Variants in C1orf167 observed in about 807,000 individuals in gnomAD.
C1orf167 encodes the protein uncharacterized protein C1orf167.
In C1orf167, 153 loss-of-function variants were observed where a neutral mutation model predicts 176.5. That is an observed-to-expected ratio of 0.87 (90% confidence interval 0.76 to 0.99). The LOEUF (loss-of-function observed/expected upper bound fraction) is 0.99. C1orf167 is among the 50% of genes least tolerant of loss of function. The probability of loss-of-function intolerance (pLI) is 0.00; values close to 1 mark genes in which losing one functional copy is unlikely to be tolerated. For synonymous variants in C1orf167, 594 were observed against 752.7 expected (o/e 0.79, Z 3.45); for missense variants, 1,490 against 1,817.7 (o/e 0.82, Z 3.28).
rs560135053 is a variant in C1orf167 at position 11,765,522 on chromosome 1, C to T, written c.71-335C>T. Among the ~76,000 whole-genome samples the T allele has an allele frequency of 1.9e-3, 284 of 152,200 alleles. 5 individuals carry two copies. The highest frequency in any genetic ancestry group is 6.5e-3 in the African/African-American group (270 of 41,516). On this transcript the variant is annotated intron_variant, in intron 2 of 20. Coordinates refer to ENST00000688073, the MANE Select transcript of C1orf167 (RefSeq NM_001010881.2). The stretch of plus-strand genomic sequence containing the variant: ...CTTTATTACCTGACTCTTCCAAGCC[C>T]GCTGGCTCCATCTCTGAAGTTTATC...
At chr1:11,775,027 G>A (rs537347855) in intron 8 of C1orf167, among the ~76,000 whole-genome samples, 162 of 152,282 alleles carry the variant, frequency 1.1e-3, no homozygotes, top group African/African-American at 3.8e-3. Flanking sequence ...GCTCAAGCCT[G>A]TAATTCCAGC....
rs1423444202 is a variant in C1orf167 at position 11,766,915 on chromosome 1, G to A, written c.1129G>A (p.Val377Met). 2.4e-6 allele frequency: 3 copies of A among 1,224,770 alleles called. No homozygotes were observed. The highest frequency in any genetic ancestry group is 1.6e-5 in the African/African-American group (1 of 64,088). 75.9% of individuals were successfully genotyped at this position (1,224,770 alleles called of 1,614,324 possible). A position where few individuals can be genotyped will look rare whatever the true frequency, so the allele number is the denominator to read the frequency against. Residue 377 changes from valine to methionine, a missense_variant, in exon 3 of 21, where the codon GTG (valine) becomes ATG (methionine). Val to Met is a conservative substitution (Grantham distance 21). Coordinates refer to ENST00000688073, the MANE Select transcript of C1orf167 (RefSeq NM_001010881.2). The surrounding 1 kb of genome is among the most constrained non-coding windows in gnomAD (Gnocchi z 4.5). The stretch of plus-strand genomic sequence containing the variant: ...GGGTGACCCCAGTCTCCCTCGAGGG[G>A]TGGGAAGCAGGGGGACCGACCCCTG... The part of the protein sequence containing the change: ...QRGDPSLPRG[V>M]GSRGTDPCSS...
In C1orf167 at chr1:11,778,682, C is replaced by G. The variant is rs1200008598; in HGVS notation, c.2362C>G (p.Gln788Glu). Residue 788 changes from glutamine to glutamate, a missense_variant, in exon 11 of 21, where the codon CAG becomes GAG. Physicochemically the swap from Gln to Glu is conservative, Grantham distance 29. Coordinates refer to ENST00000688073, the MANE Select transcript of C1orf167 (RefSeq NM_001010881.2). ...TAGCTCCTTCTTCCAGGGCCTGCAG[C>G]AGCGGATGCTGCAGCGCAGCCTGAG... ...WANSFFQGLQQRMLQRSLRWW... is the reference protein window; with the variant it reads ...WANSFFQGLQERMLQRSLRWW... 1 of 1,300,356 alleles carries G rather than the reference C, an allele frequency of 7.7e-7. No individual in the cohort carries two copies. The highest frequency in any genetic ancestry group is 1.2e-5 in the South Asian group (1 of 80,858). 80.6% of individuals were successfully genotyped at this position (1,300,356 alleles called of 1,614,324 possible). A position where few individuals can be genotyped will look rare whatever the true frequency, so the allele number is the denominator to read the frequency against.
In C1orf167 at chr1:11,769,009, C is replaced by A; in HGVS notation, c.1579C>A (p.Pro527Thr). ...GGCTTTACAGCAGAAACAAGTACAG[C>A]CCCACATGCAGGCTGGGCCAGGGTC... ...NLALQQKQVQPHMQAGPGSPP... is the reference protein window; with the variant it reads ...NLALQQKQVQTHMQAGPGSPP... The change falls in exon 6 of 21, where the codon CCC becomes ACC. Residue 527 changes from proline to threonine, a missense_variant. By Grantham distance (38) the Pro-to-Thr change is conservative (BLOSUM62 -1). Transcript: ENST00000688073. 7 of 985,880 alleles carry A rather than the reference C, an allele frequency of 7.1e-6. No individual in the cohort carries two copies. The highest frequency in any genetic ancestry group is 8.4e-6 in the Non-Finnish European group (7 of 829,968). The allele number at this position is 985,880 out of a possible 1,614,324, so 61.1% of individuals were successfully genotyped here. A position where few individuals can be genotyped will look rare whatever the true frequency, so the allele number is the denominator to read the frequency against.
rs529067429 is a variant in C1orf167 at position 11,768,437 on chromosome 1, T to C, written c.1542+162T>C. 2 of 600,890 alleles carry C rather than the reference T, an allele frequency of 3.3e-6. No individual in the cohort carries two copies. Among genetic ancestry groups the C allele is most frequent in the Non-Finnish European group, 4.9e-6 (2 of 406,888 alleles). 37.2% of individuals were successfully genotyped at this position (600,890 alleles called of 1,614,324 possible). The stretch of plus-strand genomic sequence containing the variant: ...TGAGTCCACACACCTGAATCAGCTC[T>C]GCCTGAGTTCAAATCCTGCCCCCTC... On this transcript the variant is annotated intron_variant, in intron 5 of 20. Transcript: ENST00000688073. The surrounding 1 kb of genome is among the most constrained non-coding windows in gnomAD (Gnocchi z 4.5).
At chr1:11,769,263 T>C (rs984821061) in intron 6 of C1orf167, 136 bp downstream of exon 6, 27 of 737,972 alleles carry the variant, frequency 3.7e-5, no homozygotes, top group Non-Finnish European at 4.1e-5. Context: ...AAAAAAGATG[T>C]CCATCATGGC....
At position 11,788,382 on chromosome 1, in the gene C1orf167, A is replaced by G; in HGVS notation, c.4078+4A>G. 7 of 1,289,792 alleles carry G rather than the reference A, an allele frequency of 5.4e-6. No homozygotes were observed. The highest frequency in any genetic ancestry group is 7.2e-6 in the Non-Finnish European group (7 of 978,600). The allele number at this position is 1,289,792 out of a possible 1,614,324, so 79.9% of individuals were successfully genotyped here. A position where few individuals can be genotyped will look rare whatever the true frequency, so the allele number is the denominator to read the frequency against. On this transcript the variant is annotated splice_donor_region_variant and intron_variant, in intron 19 of 20. Transcript: ENST00000688073. ...AGAGCAGCTGGTGCGGACCCTGGTG[A>G]GTGGGTGCACCCCTCTCCACACTGA...
At chr1:11,772,494 T>G (rs1010962127) in intron 8 of C1orf167, among the ~76,000 whole-genome samples, 2 of 152,208 alleles carry the variant, frequency 1.3e-5, no homozygotes, top group Admixed American at 1.3e-4. Context: ...CTCGAACTCC[T>G]GAACTCAAGT....
chr1:11,775,096 C>T (rs1365284043), intron 8 of C1orf167, among the ~76,000 whole-genome samples: 2 of 151,198 alleles, frequency 1.3e-5, no homozygotes, highest in Non-Finnish European at 2.9e-5. Context: ...ACCAGCCTGG[C>T]CAACATGGAG....
chr1:11,788,153 C>T lies in C1orf167; in HGVS notation c.3853C>T (p.Arg1285Cys), dbSNP rs762678203. The change falls in exon 19 of 21, where the codon CGT becomes TGT. Residue 1285 changes from arginine (R) to cysteine (C), a missense_variant. Arg to Cys is a radical substitution (Grantham distance 180, BLOSUM62 -3). Transcript: ENST00000688073. ...AGCTGGGCCCTCTCTGGCCAGTGCT[C>T]GTTCCTGCAGGATCCTGGAAAAGCA... is the stretch of plus-strand genomic sequence containing the variant. ...SKAHKRRLRARSCRILEKQAQ... is the reference protein window; with the variant it reads ...SKAHKRRLRACSCRILEKQAQ... The T allele has an allele frequency of 1.6e-5, 20 of 1,286,188 alleles. No individual in the cohort carries two copies. Among genetic ancestry groups the T allele is most frequent in the East Asian group, 5.7e-5 (1 of 17,560 alleles). The allele number at this position is 1,286,188 out of a possible 1,614,324, so 79.7% of individuals were successfully genotyped here.
At chr1:11,771,692 G>A (rs1643087811) in intron 7 of C1orf167, 56 bp downstream of exon 7, 3 of 1,184,560 alleles carry the variant, frequency 2.5e-6, no homozygotes, top group South Asian at 2.5e-5. Flanking sequence ...CGCAGGGCCT[G>A]AGCTCCACAC....
chr1:11,776,483 C>T lies in C1orf167; in HGVS notation c.2184C>T (p.Thr728=), dbSNP rs540542008. 1.5e-5 allele frequency: 20 copies of T among 1,302,042 alleles called. No homozygotes were observed. Among genetic ancestry groups the T allele is most frequent in the South Asian group, 1.1e-4 (9 of 80,818 alleles). 80.7% of individuals were successfully genotyped at this position (1,302,042 alleles called of 1,614,324 possible). A position where few individuals can be genotyped will look rare whatever the true frequency, so the allele number is the denominator to read the frequency against. ...RQKAGREAVY[T]AGPGACGLGA... is the part of the protein sequence containing the mutation. ...TCTCAGGACGTGAGGCTGTCTACAC[C>T]GCAGGCCCTGGAGCCTGTGGCCTGG... The change falls in exon 10 of 21, where the codon ACC becomes ACT. Residue 728 remains threonine (T), a synonymous_variant. Coordinates refer to ENST00000688073, the MANE Select transcript of C1orf167 (RefSeq NM_001010881.2).
rs1377934049 is a variant in C1orf167 at position 11,766,448 on chromosome 1, T to C, written c.662T>C (p.Leu221Pro). The C allele has an allele frequency of 1.6e-6, 2 of 1,286,526 alleles. No homozygotes were observed. The highest frequency in any genetic ancestry group is 1.0e-6 in the Non-Finnish European group (1 of 987,264). 79.7% of individuals were successfully genotyped at this position (1,286,526 alleles called of 1,614,324 possible). ...LVGEPLTLED[L>P]AVPSQNQTQA... ...GGGGAACCTCTCACCCTGGAGGACC[T>C]GGCTGTCCCCAGTCAGAACCAGACT... The change falls in exon 3 of 21, where the codon CTG (leucine) becomes CCG (proline). Residue 221 changes from leucine (L) to proline (P), a missense_variant. Leu to Pro is a moderately conservative substitution (Grantham distance 98). Transcript: ENST00000688073. The surrounding 1 kb of genome is among the most constrained non-coding windows in gnomAD (Gnocchi z 4.5).
Position 11,788,155 on chromosome 1 carries a change from T to G in C1orf167, c.3855T>G (p.Arg1285=). Residue 1285 remains arginine (R), a synonymous_variant, in exon 19 of 21, where the codon CGT becomes CGG. Transcript: ENST00000688073. The part of the protein sequence containing the change: ...SKAHKRRLRA[R]SCRILEKQAQ... ...CTGGGCCCTCTCTGGCCAGTGCTCGTTCCTGCAGGATCCTGGAAAAGCAGG... is the reference window on the plus strand; with the variant it reads ...CTGGGCCCTCTCTGGCCAGTGCTCGGTCCTGCAGGATCCTGGAAAAGCAGG... The G allele has an allele frequency of 7.8e-7, 1 of 1,287,796 alleles. No individual in the cohort carries two copies. Among genetic ancestry groups the G allele is most frequent in the Non-Finnish European group, 1.0e-6 (1 of 975,944 alleles). 79.8% of individuals were successfully genotyped at this position (1,287,796 alleles called of 1,614,324 possible).
At position 11,784,222 on chromosome 1, in the gene C1orf167, G is replaced by A. The variant is rs953531069; in HGVS notation, c.3054G>A (p.Arg1018=). Residue 1018 remains arginine, a synonymous_variant, in exon 15 of 21, where the codon CGG becomes CGA. Coordinates refer to ENST00000688073, the MANE Select transcript of C1orf167 (RefSeq NM_001010881.2). ...CEVVRDTGVL[R]AQHQAFQDGL... Reference sequence around the variant, plus strand: ...TTGTAAGAGACACGGGGGTGCTCCGGGCCCAGCATCAAGCCTTTCAGGATG... The same window carrying A: ...TTGTAAGAGACACGGGGGTGCTCCGAGCCCAGCATCAAGCCTTTCAGGATG... 7.8e-7 allele frequency: 1 copy of A among 1,281,378 alleles called. No individual in the cohort carries two copies. The highest frequency in any genetic ancestry group is 1.0e-6 in the Non-Finnish European group (1 of 976,742). 79.4% of individuals were successfully genotyped at this position (1,281,378 alleles called of 1,614,324 possible). A position where few individuals can be genotyped will look rare whatever the true frequency, so the allele number is the denominator to read the frequency against.
At chr1:11,784,948 C>A (rs987944116) in intron 15 of C1orf167, among the ~76,000 whole-genome samples, 200 bp from the exon 16 acceptor site, 2 of 152,206 alleles carry the variant, frequency 1.3e-5, no homozygotes, top group Admixed American at 1.3e-4. Context: ...TGCTTGTCCC[C>A]GTCTGTGATT....
chr1:11,779,582 G>C (rs984868790), intron 12 of C1orf167: 1 of 318,448 alleles, frequency 3.1e-6, no homozygotes, highest in Non-Finnish European at 6.3e-6. Context: ...TGGCAGTGGG[G>C]GTCTAGAATC....
In C1orf167 at chr1:11,767,007, G is replaced by A. The variant is rs184360830; in HGVS notation, c.1221G>A (p.Pro407=). 6 of 1,209,774 alleles carry A rather than the reference G, an allele frequency of 5.0e-6. No individual in the cohort carries two copies. The highest frequency in any genetic ancestry group is 2.5e-4 in the Middle Eastern group (1 of 3,948). The allele number at this position is 1,209,774 out of a possible 1,614,324, so 74.9% of individuals were successfully genotyped here. ...AGCAGAAAGGAGAGGAGGGGGCCCC[G>A]AGGGAGCGGGTCCACAGGGAGGAGG... ...SPKQKGEEGA[P]RERVHREEER... is the part of the protein sequence containing the mutation. The change falls in exon 3 of 21, where the codon CCG becomes CCA. Residue 407 remains proline (P), a synonymous_variant. Transcript: ENST00000688073.
chr1:11,762,339 C>T, intron 1 of C1orf167, 34 bp downstream of exon 1: 1 of 362,690 alleles, frequency 2.8e-6, no homozygotes, highest in South Asian at 2.0e-5. Context: ...GGAAACTGAC[C>T]TCAGACTCTT....
Sources: gnomAD v4.1 joint callset for allele counts (sites outside exome capture counted in the v4.1 genomes callset) on GRCh38, gnomAD v4.1.1 for gene constraint, Gnocchi (gnomAD v3.1) non-coding constraint, MANE v1.5 for transcripts, NCBI Gene and HGNC (gene_info 2026-07-23, HGNC 2026-07-21) for gene names.